Variants in RAB11FIP3 observed in about 807,000 individuals in gnomAD.
RAB11FIP3 encodes RAB11 family interacting protein 3.
RAB11FIP3 carries 17 observed loss-of-function variants against 77.8 expected under a neutral mutation model. The ratio of observed to expected loss-of-function variants is 0.22; its 90% CI spans 0.15 to 0.33. The LOEUF is 0.33. RAB11FIP3 is among the 10% of genes least tolerant of loss of function. The probability of loss-of-function intolerance (pLI) is 1.00; values close to 1 mark genes in which losing one functional copy is unlikely to be tolerated. For missense variants in RAB11FIP3, 1,005 were observed against 1,011.2 expected (o/e 0.99, Z 0.08); for synonymous variants, 437 against 448.2 (o/e 0.98, Z 0.31).
intron 2 of RAB11FIP3, among the ~76,000 whole-genome samples, chr16:462,753 G>A (rs116576832): frequency 0.025 from 2,224 of 90,528 alleles, 91 homozygotes; most frequent in African/African-American, 0.094. Flanking sequence ...CCCCAGCACC[G>A]CACCATCCCT....
At chr16:491,528 G>A (rs534882712) in intron 5 of RAB11FIP3, among the ~76,000 whole-genome samples, 1 of 152,242 alleles carries the variant, frequency 6.6e-6, no homozygotes, top group South Asian at 2.1e-4. Flanking sequence ...TCTGTCCTGT[G>A]TGTGAAAGAG....
At chr16:502,207 A>G (rs75073086) in intron 6 of RAB11FIP3, among the ~76,000 whole-genome samples, 8,144 of 152,338 alleles carry the variant, frequency 0.053, 312 homozygotes, top group African/African-American at 0.11. Flanking sequence ...CAGATTCACC[A>G]CAGCGAATCT....
In RAB11FIP3 at chr16:521,036, A is replaced by G. The variant is rs2032663404; in HGVS notation, c.*197A>G. On this transcript the variant is annotated 3_prime_UTR_variant, in exon 14 of 14. Coordinates refer to ENST00000262305, the MANE Select transcript of RAB11FIP3 (RefSeq NM_014700.4). ...GCAGAGGGTGGTGGAGAGGAGAGGG[A>G]GAAAGGGAAGTCCCAGGGCCCGGGG... The G allele has an allele frequency of 1.7e-6, 1 of 600,406 alleles. No individual in the cohort carries two copies. The highest frequency in any genetic ancestry group is 3.0e-6 in the Non-Finnish European group (1 of 336,874). 37.2% of individuals were successfully genotyped at this position (600,406 alleles called of 1,614,324 possible). A position where few individuals can be genotyped will look rare whatever the true frequency, so the allele number is the denominator to read the frequency against.
chr16:499,920 GT>G (rs2141845158), intron 6 of RAB11FIP3, among the ~76,000 whole-genome samples: 2 of 151,306 alleles, frequency 1.3e-5, no homozygotes, highest in Admixed American at 6.6e-5. Context: ...TTAATCTGTT[GT>G]TTTGCCCCAA....
Position 482,701 on chromosome 16 carries a change from G to T in RAB11FIP3, c.1080G>T (p.Glu360Asp), listed in dbSNP as rs756915665. 2 of 1,610,560 alleles carry T rather than the reference G, an allele frequency of 1.2e-6. No individual in the cohort carries two copies. Among genetic ancestry groups the T allele is most frequent in the South Asian group, 1.1e-5 (1 of 90,822 alleles). Residue 360 changes from glutamate (E) to aspartate (D), a missense_variant, in exon 4 of 14, where the codon GAG (glutamate) becomes GAT (aspartate). Physicochemically the swap from Glu to Asp is conservative, Grantham distance 45 (BLOSUM62 2). Around this residue, in one of 4 missense-constraint regions of RAB11FIP3, gnomAD observed 433 missense variants for 436.1 expected, o/e 0.99. Coordinates refer to ENST00000262305, the MANE Select transcript of RAB11FIP3 (RefSeq NM_014700.4). Reference sequence around the variant, plus strand: ...CTGAGTGCCTGGACGCCATGGAGGAGCCCGACCATGGTGCCCTGCTGCTGC... The same window carrying T: ...CTGAGTGCCTGGACGCCATGGAGGATCCCGACCATGGTGCCCTGCTGCTGC... ...VPSECLDAME[E>D]PDHGALLLLP... is the part of the protein sequence containing the mutation.
rs148871671 is a variant in RAB11FIP3 at position 445,482 on chromosome 16, A to G, written c.715-15922A>G. Among the ~76,000 whole-genome samples the G allele has an allele frequency of 2.1e-3, 320 of 152,304 alleles. 2 individuals are homozygous for G. The highest frequency in any genetic ancestry group is 7.2e-3 in the African/African-American group (300 of 41,590). On this transcript the variant is annotated intron_variant, in intron 1 of 13. Coordinates refer to ENST00000262305, the MANE Select transcript of RAB11FIP3 (RefSeq NM_014700.4). ...AAAAAAAGATTGGGTTTTAGGTACT[A>G]TGCCAATATGGGAGCTCTTTTAAAT...
In RAB11FIP3 at chr16:425,735, T is replaced by TC. The variant is rs1270297170; in HGVS notation, c.-267dup. 1 of 313,982 alleles carries TC rather than the reference T, an allele frequency of 3.2e-6. No homozygotes were observed. The highest frequency in any genetic ancestry group is 2.2e-5 in the African/African-American group (1 of 45,152). The allele number at this position is 313,982 out of a possible 1,614,324, so 19.4% of individuals were successfully genotyped here. On this transcript the variant is annotated 5_prime_UTR_variant, in exon 1 of 14. Coordinates refer to ENST00000262305, the MANE Select transcript of RAB11FIP3 (RefSeq NM_014700.4). Reference sequence around the variant, plus strand: ...CGTCCCCCGGCCTCCTCGGCCCCCGTCCCCCGCCATCCGCCGCCCGGATCC... The same window carrying TC: ...CGTCCCCCGGCCTCCTCGGCCCCCGTCCCCCCGCCATCCGCCGCCCGGATCC...
intron 1 of RAB11FIP3, among the ~76,000 whole-genome samples, chr16:437,474 G>T (rs2055149071): frequency 6.6e-6 from 1 of 150,556 alleles, no homozygotes; most frequent in Admixed American, 6.7e-5. Context: ...GGAGGCTGAG[G>T]CAGGAGAATC....
chr16:440,238 T>C (rs1003288642), intron 1 of RAB11FIP3, among the ~76,000 whole-genome samples: 5 of 152,228 alleles, frequency 3.3e-5, no homozygotes, highest in African/African-American at 1.2e-4. Flanking sequence ...GAAATGTTTC[T>C]GGACATTTCT....
At chr16:492,763 C>G (rs1017357890) in intron 5 of RAB11FIP3, among the ~76,000 whole-genome samples, 1 of 152,172 alleles carries the variant, frequency 6.6e-6, no homozygotes, top group African/African-American at 2.4e-5. Flanking sequence ...AGACTCAGGT[C>G]TCGTCTCTCA....
chr16:518,874 C>T, intron 9 of RAB11FIP3, 69 bp from the exon 10 acceptor site: 3 of 1,527,544 alleles, frequency 2.0e-6, no homozygotes, highest in South Asian at 2.3e-5. Flanking sequence ...TTCCCTGAGA[C>T]ACAGGGCACA....
At chr16:504,842 T>C (rs1269402654) in intron 7 of RAB11FIP3, among the ~76,000 whole-genome samples, 1 of 906 alleles carries the variant, frequency 1.1e-3, no homozygotes, top group Non-Finnish European at 2.0e-3. Flanking sequence ...TGTACCCCCT[T>C]ACCTCCTCCT....
At chr16:447,289 A>G (rs1267930926) in intron 1 of RAB11FIP3, among the ~76,000 whole-genome samples, 1 of 152,094 alleles carries the variant, frequency 6.6e-6, no homozygotes, top group Admixed American at 6.6e-5. Context: ...TGGGCAGTAG[A>G]GTAAGACCCT....
At chr16:438,097 C>T (rs2055161526) in intron 1 of RAB11FIP3, among the ~76,000 whole-genome samples, 1 of 151,680 alleles carries the variant, frequency 6.6e-6, no homozygotes, top group African/African-American at 2.4e-5. Flanking sequence ...GCATCAGCCA[C>T]TGCGCCTGGC....
At chr16:510,974 C>T (rs1232851229) in intron 9 of RAB11FIP3, among the ~76,000 whole-genome samples, 174 bp downstream of exon 9, 1 of 147,724 alleles carries the variant, frequency 6.8e-6, no homozygotes, top group Non-Finnish European at 1.5e-5. Flanking sequence ...GTCCGCCAAC[C>T]CCAGAACCTG....
intron 1 of RAB11FIP3, among the ~76,000 whole-genome samples, chr16:427,981 C>T (rs950285530): frequency 1.3e-5 from 2 of 152,066 alleles, no homozygotes; most frequent in African/African-American, 4.8e-5. Flanking sequence ...GGCACCTGTA[C>T]TCCTAGCTAC....
chr16:426,027 C>T lies in RAB11FIP3; in HGVS notation c.21C>T (p.Ala7=), dbSNP rs1251991154. The T allele has an allele frequency of 2.0e-6, 2 of 993,580 alleles. No homozygotes were observed. Among genetic ancestry groups the T allele is most frequent in the Non-Finnish European group, 2.4e-6 (2 of 836,926 alleles). The allele number at this position is 993,580 out of a possible 1,614,324, so 61.5% of individuals were successfully genotyped here. MASAPP[A]SPPGSEPPGP... ...GGAGCATGGCGTCGGCCCCGCCGGC[C>T]TCGCCCCCGGGCTCGGAGCCGCCGG... is the stretch of plus-strand genomic sequence containing the variant. Residue 7 remains alanine, a synonymous_variant, in exon 1 of 14, where the codon GCC becomes GCT. Coordinates refer to ENST00000262305, the MANE Select transcript of RAB11FIP3 (RefSeq NM_014700.4). The surrounding 1 kb of genome is among the most constrained non-coding windows in gnomAD (Gnocchi z 5.0).
intron 1 of RAB11FIP3, among the ~76,000 whole-genome samples, chr16:446,824 C>T (rs1000633887): frequency 5.3e-5 from 8 of 152,096 alleles, no homozygotes; most frequent in African/African-American, 1.7e-4. Context: ...CCTCAGCCTC[C>T]CGAGTAGCTG....
intron 1 of RAB11FIP3, among the ~76,000 whole-genome samples, chr16:435,977 A>C (rs1437841275): frequency 6.6e-6 from 1 of 152,200 alleles, no homozygotes; most frequent in Non-Finnish European, 1.5e-5. Context: ...CATATTAGAA[A>C]ATGCCTGTAA....
Sources: gnomAD v4.1 joint callset for allele counts (sites outside exome capture counted in the v4.1 genomes callset) on GRCh38, gnomAD v4.1.1 for gene constraint, gnomAD v4.1.1 regional missense constraint, Gnocchi (gnomAD v3.1) non-coding constraint, MANE v1.5 for transcripts, NCBI Gene and HGNC (gene_info 2026-07-23, HGNC 2026-07-21) for gene names.